The following SNTG2 variants were observed in gnomAD, a reference collection of about 807,000 sequenced individuals.
The protein encoded by SNTG2 is syntrophin gamma 2.
Under a neutral mutation model 70.9 loss-of-function variants are expected in SNTG2, and 74 were observed. The observed-to-expected ratio is 1.04, with a 90% CI of 0.86 to 1.27. The LOEUF (loss-of-function observed/expected upper bound fraction) is 1.27, where lower values mean the gene tolerates loss of function less well. Among genes scored for constraint, SNTG2 ranks in the 50% most tolerant of loss-of-function variants. SNTG2 has a pLI of 0.00. For synonymous variants in SNTG2, 278 were observed against 273.8 expected (o/e 1.02, Z -0.15); for missense variants, 717 against 690.7 (o/e 1.04, Z -0.43).
intron 1 of SNTG2, among the ~76,000 whole-genome samples, chr2:1,064,732 T>A (rs1663043511): frequency 1.3e-5 from 2 of 152,088 alleles, no homozygotes; most frequent in Admixed American, 1.3e-4. Context: ...AAATATTTGA[T>A]TCATTCAAAG....
intron 1 of SNTG2, among the ~76,000 whole-genome samples, chr2:958,028 G>T (rs1019646698): frequency 6.6e-6 from 1 of 152,106 alleles, no homozygotes; most frequent in Non-Finnish European, 1.5e-5. Flanking sequence ...TTACCTAATT[G>T]CTAACATCTA....
chr2:1,263,884 C>G (rs1053334638), intron 13 of SNTG2, among the ~76,000 whole-genome samples: 11 of 152,152 alleles, frequency 7.2e-5, no homozygotes, highest in Admixed American at 1.3e-4. Context: ...AAAGAAAGGC[C>G]TCAAATTTTA....
At chr2:973,341 A>G (rs1408681111) in intron 1 of SNTG2, among the ~76,000 whole-genome samples, 3 of 152,236 alleles carry the variant, frequency 2.0e-5, no homozygotes, top group African/African-American at 7.2e-5. Context: ...GGATTTCTGG[A>G]TTGAAAGTTT....
rs72770628 is a variant in SNTG2 at position 1,263,579 on chromosome 2, G to A, written c.1078-3786G>A. Reference sequence around the variant, plus strand: ...GGGGGGTGGGCTTTCTTCAGTCGTGGGGGTGGCTGGAAATGCTGTTCTGGA... The same window carrying A: ...GGGGGGTGGGCTTTCTTCAGTCGTGAGGGTGGCTGGAAATGCTGTTCTGGA... On this transcript the variant is annotated intron_variant, in intron 13 of 16. Coordinates refer to ENST00000308624, the MANE Select transcript of SNTG2 (RefSeq NM_018968.4). Among the ~76,000 whole-genome samples, 12 of 152,048 alleles carry A rather than the reference G, an allele frequency of 7.9e-5. No homozygotes were observed. The South Asian group carries it at 2.5e-3, about 32-fold the overall frequency.
At chr2:1,233,543 G>A (rs935860778) in intron 9 of SNTG2, among the ~76,000 whole-genome samples, 76 of 152,186 alleles carry the variant, frequency 5.0e-4, no homozygotes, top group African/African-American at 1.7e-3. Flanking sequence ...AGGGTGCAGG[G>A]TTGAGGCTGG....
At chr2:1,336,447 C>A (rs578022922) in intron 16 of SNTG2, among the ~76,000 whole-genome samples, 1 of 152,034 alleles carries the variant, frequency 6.6e-6, no homozygotes, top group Non-Finnish European at 1.5e-5. Context: ...TATTGCTGTG[C>A]GGACACTGTT....
rs956389585 is a variant in SNTG2, at chr2:1,353,267, C to T, written c.1489-14076C>T. Among the ~76,000 whole-genome samples, 16 of 152,120 alleles carry T rather than the reference C, an allele frequency of 1.1e-4. No individual in the cohort carries two copies. Among genetic ancestry groups the T allele is most frequent in the Admixed American group, 8.5e-4 (13 of 15,280 alleles). On this transcript the variant is annotated intron_variant, in intron 16 of 16. Coordinates refer to ENST00000308624, the MANE Select transcript of SNTG2 (RefSeq NM_018968.4). The surrounding 1 kb of genome is among the most constrained non-coding windows in gnomAD (Gnocchi z 4.2). ...ACAGAAACAGTGGGCGGAAGGAGCA[C>T]GACCTGAGCTCCAGGGTGTGTTCAT...
rs887715949 is a variant in SNTG2, at chr2:1,222,443, G to A, written c.719+13213G>A. ...TCAGAGTTTGTGATGAAAATGAACA[G>A]GAGGGGCTTCTTAAGCTGGAGGTGC... On this transcript the variant is annotated intron_variant, in intron 9 of 16. Transcript: ENST00000308624. Among the ~76,000 whole-genome samples the A allele has an allele frequency of 6.7e-4, 102 of 152,196 alleles. 2 individuals are homozygous for A. Among genetic ancestry groups the A allele is most frequent in the Non-Finnish European group, 1.1e-3 (76 of 67,990 alleles).
chr2:1,256,796 G>A (rs62108693), intron 12 of SNTG2, among the ~76,000 whole-genome samples: 13,835 of 152,098 alleles, frequency 0.091, 698 homozygotes, highest in South Asian at 0.15. Flanking sequence ...CCTGAGCTGC[G>A]TGTCAGCAGG....
At chr2:1,143,852 G>A (rs1413192675) in intron 6 of SNTG2, among the ~76,000 whole-genome samples, 2 of 150,386 alleles carry the variant, frequency 1.3e-5, no homozygotes, top group African/African-American at 2.5e-5. Flanking sequence ...CAGCCTGGGC[G>A]ACAGAGCGAG....
intron 1 of SNTG2, among the ~76,000 whole-genome samples, chr2:1,074,660 T>G (rs974906546): frequency 7.2e-5 from 11 of 152,210 alleles, no homozygotes; most frequent in Admixed American, 1.3e-4. Context: ...TATCTGACAT[T>G]AAACACACCT....
chr2:1,153,664 G>A (rs1053169221), intron 6 of SNTG2, among the ~76,000 whole-genome samples: 2 of 152,152 alleles, frequency 1.3e-5, no homozygotes, highest in African/African-American at 4.8e-5. Context: ...ACTTGTTCGT[G>A]TTTTACACAT....
intron 1 of SNTG2, among the ~76,000 whole-genome samples, chr2:962,875 C>G (rs1660398734): frequency 6.6e-6 from 1 of 152,038 alleles, no homozygotes; most frequent in South Asian, 2.1e-4. Context: ...AAGTGTCATC[C>G]CTTAAATTAG....
chr2:1,346,536 C>T (rs1442893700), intron 16 of SNTG2: 1 of 152,360 alleles, frequency 6.6e-6, no homozygotes, highest in African/African-American at 2.4e-5. Context: ...GAGGGGCAAG[C>T]TCCCTCCAAC....
chr2:1,100,221 C>T (rs1011599425), intron 4 of SNTG2, among the ~76,000 whole-genome samples: 2 of 151,940 alleles, frequency 1.3e-5, no homozygotes, highest in African/African-American at 2.4e-5. Flanking sequence ...GGCTGGAGTG[C>T]AGAGGCGCGA....
intron 16 of SNTG2, among the ~76,000 whole-genome samples, chr2:1,357,617 A>C (rs888502305): frequency 9.2e-5 from 14 of 152,160 alleles, no homozygotes; most frequent in African/African-American, 3.4e-4. Flanking sequence ...AATGTTTGGT[A>C]GAATTCCCCA....
chr2:1,300,382 G>T (rs1255965624), intron 14 of SNTG2, among the ~76,000 whole-genome samples: 1 of 152,190 alleles, frequency 6.6e-6, no homozygotes, highest in Non-Finnish European at 1.5e-5. Context: ...GCTTTAGGCC[G>T]AAGAAAGCAT....
At chr2:995,084 G>T (rs1280408821) in intron 1 of SNTG2, among the ~76,000 whole-genome samples, 13 of 151,524 alleles carry the variant, frequency 8.6e-5, no homozygotes, top group South Asian at 4.2e-4. Context: ...CCTTTGATAG[G>T]CACACCCAGT....
Position 1,092,372 on chromosome 2 carries a change from G to C in SNTG2, c.211-5824G>C, listed in dbSNP as rs370914017. On this transcript the variant is annotated intron_variant, in intron 2 of 16. Coordinates refer to ENST00000308624, the MANE Select transcript of SNTG2 (RefSeq NM_018968.4). ...GACCTCCAGGGAAGGGAGGGGGATC[G>C]ACGAGGACCTGGGGAGAGAGCAGGG... 2.2e-4 allele frequency among the ~76,000 whole-genome samples: 34 copies of C among 152,252 alleles called. 1 individual carries two copies. In the Middle Eastern group the frequency reaches 0.01, roughly 46 times the overall value.
Sources: allele counts gnomAD v4.1 joint callset (sites outside exome capture counted in the v4.1 genomes callset), GRCh38; gene constraint gnomAD v4.1.1; non-coding constraint Gnocchi (gnomAD v3.1); transcripts MANE v1.5; gene names NCBI Gene and HGNC (gene_info 2026-07-23, HGNC 2026-07-21).